Variants in VPS37C observed in about 807,000 individuals in gnomAD.
VPS37C encodes VPS37C subunit of ESCRT-I.
VPS37C carries 9 observed loss-of-function variants against 16.1 expected under a neutral mutation model. The ratio of observed to expected loss-of-function variants is 0.56; its 90% CI spans 0.34 to 0.97. The LOEUF is 0.97. VPS37C is among the 50% of genes least tolerant of loss of function. The pLI is 0.02. For missense variants in VPS37C, 479 were observed against 472.7 expected (o/e 1.01, Z -0.12); for synonymous variants, 207 against 206.4 (o/e 1.00, Z -0.02).
chr11:61,136,297 C>T (rs540756841), intron 2 of VPS37C, among the ~76,000 whole-genome samples: 4 of 151,898 alleles, frequency 2.6e-5, no homozygotes, highest in African/African-American at 7.3e-5. Context: ...TCCCTTGCTC[C>T]CTTGTAGCTG....
chr11:61,143,163 C>T (rs1861502815), intron 1 of VPS37C, among the ~76,000 whole-genome samples: 1 of 151,520 alleles, frequency 6.6e-6, no homozygotes, highest in South Asian at 2.1e-4. Flanking sequence ...ACCCTGGCAA[C>T]CATCTTAGAC....
intron 1 of VPS37C, among the ~76,000 whole-genome samples, chr11:61,140,282 G>C (rs185288913): frequency 1.3e-5 from 2 of 152,078 alleles, no homozygotes; most frequent in Non-Finnish European, 2.9e-5. Context: ...GGAAGCGAAC[G>C]GCATCTCCTA....
At chr11:61,134,244 C>A in intron 2 of VPS37C, 37 bp from the exon 3 acceptor site, 2 of 1,591,068 alleles carry the variant, frequency 1.3e-6, no homozygotes, top group South Asian at 1.1e-5. Context: ...AGGAAAACGT[C>A]CATCACCCTT....
At position 61,139,520 on chromosome 11, in the gene VPS37C, A is replaced by G. The variant is rs897481904; in HGVS notation, c.-6-685T>C. The stretch of plus-strand genomic sequence containing the variant: ...AGAAATTGACCGACCCAAAGAGGAC[A>G]TCGCTTTGACAGAGAGCTAGTGTCA... On this transcript the variant is annotated intron_variant, in intron 1 of 4. Coordinates refer to ENST00000301765, the MANE Select transcript of VPS37C (RefSeq NM_017966.5). 5.3e-5 allele frequency among the ~76,000 whole-genome samples: 8 copies of G among 151,986 alleles called. 1 individual carries two copies. The highest frequency in any genetic ancestry group is 4.6e-4 in the Admixed American group (7 of 15,280).
intron 1 of VPS37C, among the ~76,000 whole-genome samples, chr11:61,139,475 AGCAG>A (rs139943242): frequency 1.9e-4 from 29 of 151,458 alleles, no homozygotes; most frequent in Non-Finnish European, 3.5e-4. Context: ...CATTTGGCCT[AGCAG>A]GCAATCAGGA....
At chr11:61,149,608 G>C (rs1853267524) in intron 1 of VPS37C, among the ~76,000 whole-genome samples, 1 of 152,182 alleles carries the variant, frequency 6.6e-6, no homozygotes, top group Non-Finnish European at 1.5e-5. Flanking sequence ...AGAGGACTCT[G>C]AAAGAGCTGA....
chr11:61,139,102 A>T (rs945921369), intron 1 of VPS37C, among the ~76,000 whole-genome samples: 1 of 152,210 alleles, frequency 6.6e-6, no homozygotes, highest in Non-Finnish European at 1.5e-5. Flanking sequence ...AAGCAAAACC[A>T]CAATCCTCGG....
intron 2 of VPS37C, 46 bp downstream of exon 2, chr11:61,138,691 C>A (rs1426725810): frequency 6.3e-7 from 1 of 1,580,508 alleles, no homozygotes; most frequent in East Asian, 2.2e-5. Flanking sequence ...TCTTAACAAG[C>A]CTCATCTGCT....
chr11:61,149,721 T>C (rs137920243), intron 1 of VPS37C, among the ~76,000 whole-genome samples: 32 of 152,298 alleles, frequency 2.1e-4, no homozygotes, highest in African/African-American at 7.5e-4. Flanking sequence ...CAATCTCTCA[T>C]AGGGAAATTG....
chr11:61,134,708 C>T (rs2134629215), intron 2 of VPS37C, among the ~76,000 whole-genome samples: 1 of 152,318 alleles, frequency 6.6e-6, no homozygotes, highest in African/African-American at 2.4e-5. Context: ...GGTGAGAGAG[C>T]CAGGTCCCTG....
intron 1 of VPS37C, among the ~76,000 whole-genome samples, chr11:61,159,588 A>G (rs1041633986): frequency 6.6e-5 from 10 of 152,176 alleles, no homozygotes; most frequent in African/African-American, 2.4e-4. Flanking sequence ...TGAGCTCAGG[A>G]GTTCGAGACC....
At chr11:61,151,114 C>T (rs1289445296) in intron 1 of VPS37C, among the ~76,000 whole-genome samples, 2 of 152,236 alleles carry the variant, frequency 1.3e-5, no homozygotes, top group Non-Finnish European at 2.9e-5. Flanking sequence ...TCCAGCTTCA[C>T]GGCCCACGCG....
At chr11:61,144,849 T>A (rs1853170998) in intron 1 of VPS37C, 1 of 152,274 alleles carries the variant, frequency 6.6e-6, no homozygotes, top group South Asian at 2.1e-4. Context: ...TCCACCAAGC[T>A]GCTACCTCCT....
At chr11:61,150,706 C>T (rs911568659) in intron 1 of VPS37C, among the ~76,000 whole-genome samples, 3 of 152,080 alleles carry the variant, frequency 2.0e-5, no homozygotes, top group East Asian at 1.9e-4. Flanking sequence ...CTGAGACCAC[C>T]GCCCTAACCC....
At chr11:61,139,919 T>G (rs967793774) in intron 1 of VPS37C, among the ~76,000 whole-genome samples, 4 of 152,030 alleles carry the variant, frequency 2.6e-5, no homozygotes, top group Non-Finnish European at 5.9e-5. Flanking sequence ...ATTTTTAAAT[T>G]TTTTGTAGAG....
chr11:61,160,718 A>C (rs548091444), intron 1 of VPS37C, among the ~76,000 whole-genome samples: 6 of 152,318 alleles, frequency 3.9e-5, no homozygotes, highest in African/African-American at 1.4e-4. Flanking sequence ...CCCATCCGTA[A>C]AGTGGGAAAT....
chr11:61,137,619 G>T (rs1861402129), intron 2 of VPS37C, among the ~76,000 whole-genome samples: 1 of 152,188 alleles, frequency 6.6e-6, no homozygotes, highest in Admixed American at 6.5e-5. Flanking sequence ...GCAACGCCCT[G>T]GCAGAGCTCA....
intron 1 of VPS37C, among the ~76,000 whole-genome samples, chr11:61,148,694 C>T (rs909273128): frequency 2.6e-5 from 4 of 151,974 alleles, no homozygotes; most frequent in Non-Finnish European, 5.9e-5. Context: ...GAGAGGAAGG[C>T]GTTTTTAGTT....
rs1861253105 is a variant in VPS37C, at chr11:61,131,321, C to G, written c.*499G>C. The G allele has an allele frequency of 6.3e-6, 1 of 159,310 alleles. No homozygotes were observed. The highest frequency in any genetic ancestry group is 1.4e-5 in the Non-Finnish European group (1 of 73,306). 9.9% of individuals were successfully genotyped at this position (159,310 alleles called of 1,614,324 possible). ...TTCTCTCCCTCCAATCCAACCCCTG[C>G]CACAGTGCATGGGCAGGCTAGCCTT... On this transcript the variant is annotated 3_prime_UTR_variant, in exon 5 of 5. Coordinates refer to ENST00000301765, the MANE Select transcript of VPS37C (RefSeq NM_017966.5).
Sources: gnomAD v4.1 joint callset for allele counts (sites outside exome capture counted in the v4.1 genomes callset) on GRCh38, gnomAD v4.1.1 for gene constraint, MANE v1.5 for transcripts, NCBI Gene and HGNC (gene_info 2026-07-23, HGNC 2026-07-21) for gene names.